CFL2: variants seen among roughly 807,000 people sequenced by gnomAD.
CFL2 encodes the protein cofilin-2.
CFL2 carries 10 observed loss-of-function variants against 19.6 expected under a neutral mutation model. The ratio of observed to expected loss-of-function variants is 0.51; its 90% CI spans 0.31 to 0.86. The LOEUF is 0.86. Among genes scored for constraint, CFL2 ranks in the 40% least tolerant of loss-of-function variants. CFL2 has a pLI of 0.04. For synonymous variants in CFL2, 63 were observed against 66.7 expected (o/e 0.95, Z 0.27); for missense variants, 125 against 192.1 (o/e 0.65, Z 2.06).
rs777491432 is a variant in CFL2 at position 34,713,109 on chromosome 14, G to A, written c.339C>T (p.Ser113=). ...FWAPESAPLK[S]KMIYASSKDA... The stretch of plus-strand genomic sequence containing the variant: ...CTTTAGAGCTAGCATAAATCATCTT[G>A]CTTTTTAAAGGTGCACTTTCAGGAG... The change falls in exon 3 of 4, where the codon AGC becomes AGT. Residue 113 remains serine (S), a synonymous_variant. Transcript: ENST00000298159. 18 of 1,578,818 alleles carry A rather than the reference G, an allele frequency of 1.1e-5. No homozygotes were observed. The highest frequency in any genetic ancestry group is 1.5e-5 in the Non-Finnish European group (17 of 1,161,944).
In CFL2 at chr14:34,713,240, T is replaced by C; in HGVS notation, c.311+14A>G. On this transcript the variant is annotated intron_variant, in intron 2 of 3. Coordinates refer to ENST00000298159, the MANE Select transcript of CFL2 (RefSeq NM_138638.5). Reference sequence around the variant, plus strand: ...TGCATTTTAAAAGTACTTTTTTCTTTTGTTTTTACACACCAGAATATAAAT... The same window carrying C: ...TGCATTTTAAAAGTACTTTTTTCTTCTGTTTTTACACACCAGAATATAAAT... 6.2e-7 allele frequency: 1 copy of C among 1,607,122 alleles called. No individual in the cohort carries two copies. The highest frequency in any genetic ancestry group is 8.5e-7 in the Non-Finnish European group (1 of 1,175,164).
Position 34,713,580 on chromosome 14 carries a change from C to G in CFL2, c.4-19G>C. On this transcript the variant is annotated intron_variant, in intron 1 of 3. Coordinates refer to ENST00000298159, the MANE Select transcript of CFL2 (RefSeq NM_138638.5). The stretch of plus-strand genomic sequence containing the variant: ...CAGAAGCCTGAAAATAAACACAGAA[C>G]AGTAATTCAGAACACGTATTTTGGT... 1 of 1,614,018 alleles carries G rather than the reference C, an allele frequency of 6.2e-7. No homozygotes were observed. Among genetic ancestry groups the G allele is most frequent in the Non-Finnish European group, 8.5e-7 (1 of 1,179,964 alleles).
At chr14:34,714,295 C>G in intron 1 of CFL2, 1 of 538,904 alleles carries the variant, frequency 1.9e-6, no homozygotes, top group South Asian at 3.5e-5. Flanking sequence ...CCCGCCCGCC[C>G]GGCCCCGACC....
chr14:34,713,846 T>C, intron 1 of CFL2: 1 of 1,536,648 alleles, frequency 6.5e-7, no homozygotes. Context: ...CACTGGGTGA[T>C]GTCAGAGCTT....
intron 1 of CFL2, chr14:34,714,253 G>C: frequency 2.3e-6 from 1 of 443,392 alleles, no homozygotes; most frequent in East Asian, 3.7e-5. Flanking sequence ...AAGGCGGCGC[G>C]AGCGGCTGCA....
chr14:34,711,408 A>G lies in CFL2; in HGVS notation c.*1457T>C, dbSNP rs780338367. On this transcript the variant is annotated 3_prime_UTR_variant, in exon 4 of 4. Coordinates refer to ENST00000298159, the MANE Select transcript of CFL2 (RefSeq NM_138638.5). ...AAACCGCTCACACTGAGCAGATCAA[A>G]TTCTCTATAAGGAGCACAGTCTGGA... is the stretch of plus-strand genomic sequence containing the variant. The G allele has an allele frequency of 2.2e-6, 1 of 454,572 alleles. No homozygotes were observed. Among genetic ancestry groups the G allele is most frequent in the South Asian group, 1.6e-5 (1 of 64,474 alleles). The allele number at this position is 454,572 out of a possible 1,614,324, so 28.2% of individuals were successfully genotyped here.
At position 34,711,758 on chromosome 14, in the gene CFL2, C is replaced by G. The variant is rs934466385; in HGVS notation, c.*1107G>C. 1 of 442,762 alleles carries G rather than the reference C, an allele frequency of 2.3e-6. No individual in the cohort carries two copies. The highest frequency in any genetic ancestry group is 1.6e-5 in the South Asian group (1 of 61,104). 27.4% of individuals were successfully genotyped at this position (442,762 alleles called of 1,614,324 possible). On this transcript the variant is annotated 3_prime_UTR_variant, in exon 4 of 4. Transcript: ENST00000298159. Reference sequence around the variant, plus strand: ...AAATAATTTCTGATCTTCATATTAACACATAGGAAATAAATACACTAATGT... The same window carrying G: ...AAATAATTTCTGATCTTCATATTAAGACATAGGAAATAAATACACTAATGT...
chr14:34,714,342 C>G (rs10149653), intron 1 of CFL2, 196 bp downstream of exon 1: 28 of 916,560 alleles, frequency 3.1e-5, no homozygotes, highest in East Asian at 2.7e-4. Context: ...TCCCCGCCCC[C>G]CAAAATCCAA....
In CFL2 at chr14:34,712,919, A is replaced by G. The variant is rs1203176086; in HGVS notation, c.447T>C (p.Leu149=). Residue 149 remains leucine, a synonymous_variant, in exon 4 of 4, where the codon CTT becomes CTC. Transcript: ENST00000298159. Reference sequence around the variant, plus strand: ...CTACATTGCCTCCCAATTTCTCTCCAAGTGTCGAACGGTCCTTAATATCAT... The same window carrying G: ...CTACATTGCCTCCCAATTTCTCTCCGAGTGTCGAACGGTCCTTAATATCAT... ...GLDDIKDRST[L]GEKLGGNVVV... is the part of the protein sequence containing the mutation. The G allele has an allele frequency of 5.0e-6, 8 of 1,612,068 alleles. No individual in the cohort carries two copies. In the South Asian group the frequency reaches 8.8e-5, roughly 18 times the overall value.
At position 34,712,821 on chromosome 14, in the gene CFL2, G is replaced by A. The variant is rs531587859; in HGVS notation, c.*44C>T. On this transcript the variant is annotated 3_prime_UTR_variant, in exon 4 of 4. Coordinates refer to ENST00000298159, the MANE Select transcript of CFL2 (RefSeq NM_138638.5). Reference sequence around the variant, plus strand: ...TACTATTCCAATGGACTGAGCTGGAGAAATGGAAGCTCCTTAAGATCCAGA... The same window carrying A: ...TACTATTCCAATGGACTGAGCTGGAAAAATGGAAGCTCCTTAAGATCCAGA... 33 of 1,080,828 alleles carry A rather than the reference G, an allele frequency of 3.1e-5. No individual in the cohort carries two copies. The highest frequency in any genetic ancestry group is 2.0e-4 in the Admixed American group (12 of 59,366). 67.0% of individuals were successfully genotyped at this position (1,080,828 alleles called of 1,614,324 possible).
In CFL2 at chr14:34,713,673, C is replaced by T. The variant is rs749922100; in HGVS notation, c.4-112G>A. ...TCTGGACATCAAAAATTGCACCGTA[C>T]CATGTAAGTCGTCCAATCAGATTTG... On this transcript the variant is annotated intron_variant, in intron 1 of 3. Coordinates refer to ENST00000298159, the MANE Select transcript of CFL2 (RefSeq NM_138638.5). The T allele has an allele frequency of 1.9e-6, 3 of 1,613,246 alleles. No individual in the cohort carries two copies. In the South Asian group the frequency reaches 3.3e-5, roughly 18 times the overall value.
rs1482148060 is a variant in CFL2 at position 34,711,191 on chromosome 14, G to A, written c.*1674C>T. On this transcript the variant is annotated 3_prime_UTR_variant, in exon 4 of 4. Coordinates refer to ENST00000298159, the MANE Select transcript of CFL2 (RefSeq NM_138638.5). Reference sequence around the variant, plus strand: ...CACACATTCAAAAAAAATTTTTAAGGGATATTTTCTTTCCTGTTTTCTGCT... The same window carrying A: ...CACACATTCAAAAAAAATTTTTAAGAGATATTTTCTTTCCTGTTTTCTGCT... The A allele has an allele frequency of 6.6e-6, 3 of 454,148 alleles. No homozygotes were observed. The highest frequency in any genetic ancestry group is 1.3e-5 in the Non-Finnish European group (3 of 226,778). 28.1% of individuals were successfully genotyped at this position (454,148 alleles called of 1,614,324 possible). A position where few individuals can be genotyped will look rare whatever the true frequency, so the allele number is the denominator to read the frequency against.
rs1031558904 is a variant in CFL2 at position 34,712,354 on chromosome 14, A to T, written c.*511T>A. The T allele has an allele frequency of 1.1e-5, 5 of 454,478 alleles. No homozygotes were observed. The highest frequency in any genetic ancestry group is 1.0e-4 in the African/African-American group (5 of 50,004). The allele number at this position is 454,478 out of a possible 1,614,324, so 28.2% of individuals were successfully genotyped here. ...TTTAGGATATTAAACTTATTACAAA[A>T]AGTGCTTTTAATGCATAGTGTTATA... On this transcript the variant is annotated 3_prime_UTR_variant, in exon 4 of 4. Coordinates refer to ENST00000298159, the MANE Select transcript of CFL2 (RefSeq NM_138638.5).
rs1885300508 is a variant in CFL2, at chr14:34,711,733, AAAT to A, written c.*1129_*1131del. On this transcript the variant is annotated 3_prime_UTR_variant, in exon 4 of 4. Transcript: ENST00000298159. Reference sequence around the variant, plus strand: ...AAAAGTATTTATGCCAAAGTGCAAAAAATAATTTCTGATCTTCATATTAACACA... The same window carrying A: ...AAAAGTATTTATGCCAAAGTGCAAAAAATTTCTGATCTTCATATTAACACA... 2 of 442,766 alleles carry A rather than the reference AAAT, an allele frequency of 4.5e-6. No homozygotes were observed. Among genetic ancestry groups the A allele is most frequent in the African/African-American group, 2.0e-5 (1 of 49,226 alleles). 27.4% of individuals were successfully genotyped at this position (442,766 alleles called of 1,614,324 possible).
At chr14:34,713,668 C>T (rs764793506) in intron 1 of CFL2, 107 bp from the exon 2 acceptor site, 8 of 1,613,310 alleles carry the variant, frequency 5.0e-6, no homozygotes, top group Non-Finnish European at 5.1e-6. Context: ...AAAAATTGCA[C>T]CGTACCATGT....
chr14:34,712,892 T>C lies in CFL2; in HGVS notation c.474A>G (p.Val158=). 6.3e-7 allele frequency: 1 copy of C among 1,597,272 alleles called. No homozygotes were observed. Among genetic ancestry groups the C allele is most frequent in the Non-Finnish European group, 8.6e-7 (1 of 1,164,688 alleles). The change falls in exon 4 of 4, where the codon GTA becomes GTG. Residue 158 remains valine, a synonymous_variant. Coordinates refer to ENST00000298159, the MANE Select transcript of CFL2 (RefSeq NM_138638.5). ...TLGEKLGGNV[V]VSLEGKPL is the part of the protein sequence containing the mutation. Reference sequence around the variant, plus strand: ...ATAATGGTTTTCCTTCAAGTGAAACTACTACATTGCCTCCCAATTTCTCTC... The same window carrying C: ...ATAATGGTTTTCCTTCAAGTGAAACCACTACATTGCCTCCCAATTTCTCTC...
intron 1 of CFL2, among the ~76,000 whole-genome samples, chr14:34,714,029 CCA>C (rs1885410660): frequency 6.6e-6 from 1 of 152,208 alleles, no homozygotes; most frequent in African/African-American, 2.4e-5. Context: ...CGCCCACGGC[CCA>C]CACACAGCTC....
Position 34,711,849 on chromosome 14 carries a change from T to C in CFL2, c.*1016A>G, listed in dbSNP as rs1885307233. 1 of 453,968 alleles carries C rather than the reference T, an allele frequency of 2.2e-6. No homozygotes were observed. The highest frequency in any genetic ancestry group is 4.4e-6 in the Non-Finnish European group (1 of 226,706). 28.1% of individuals were successfully genotyped at this position (453,968 alleles called of 1,614,324 possible). A position where few individuals can be genotyped will look rare whatever the true frequency, so the allele number is the denominator to read the frequency against. Reference sequence around the variant, plus strand: ...GTTGGCCTTAAGATAGAATACTTTTTAAACCAAATAGATCCAACAAATCTG... The same window carrying C: ...GTTGGCCTTAAGATAGAATACTTTTCAAACCAAATAGATCCAACAAATCTG... On this transcript the variant is annotated 3_prime_UTR_variant, in exon 4 of 4. Transcript: ENST00000298159.
At position 34,709,175 on chromosome 14, in the gene CFL2, G is replaced by C. The variant is rs1451384628; in HGVS notation, c.*3690C>G. ...TACATACAGTAATTAAGAATGAATA[G>C]TTTAAACAGATTATTGCATTTACAT... On this transcript the variant is annotated 3_prime_UTR_variant, in exon 4 of 4. Transcript: ENST00000298159. The C allele has an allele frequency of 6.6e-6, 1 of 152,038 alleles. No homozygotes were observed. The highest frequency in any genetic ancestry group is 1.5e-5 in the Non-Finnish European group (1 of 67,980). The allele number at this position is 152,038 out of a possible 1,614,324, so 9.4% of individuals were successfully genotyped here. A position where few individuals can be genotyped will look rare whatever the true frequency, so the allele number is the denominator to read the frequency against.
Sources: gnomAD v4.1 joint callset for allele counts (sites outside exome capture counted in the v4.1 genomes callset) on GRCh38, gnomAD v4.1.1 for gene constraint, MANE v1.5 for transcripts, NCBI Gene and HGNC (gene_info 2026-07-23, HGNC 2026-07-21) for gene names.